HOOK3: variants seen among roughly 807,000 people sequenced by gnomAD.
HOOK3 encodes the protein hook microtubule tethering protein 3.
HOOK3 carries 24 observed loss-of-function variants against 116.3 expected under a neutral mutation model. That is an observed-to-expected ratio of 0.21 (90% CI 0.15 to 0.29). HOOK3 has a LOEUF of 0.29. Among genes scored for constraint, HOOK3 ranks in the 10% least tolerant of loss-of-function variants. HOOK3 has a pLI of 1.00. For missense variants in HOOK3, 632 were observed against 830.2 expected, an observed-to-expected ratio of 0.76 and a Z score of 2.93; for synonymous variants, 275 against 283.0, an observed-to-expected ratio of 0.97 and a Z score of 0.28.
chr8:42,959,140 G>C, intron 7 of HOOK3, 91 bp from the exon 8 acceptor site: 1 of 766,298 alleles, frequency 1.3e-6, no homozygotes, highest in African/African-American at 1.8e-5. Flanking sequence ...AGGAAAGACA[G>C]GGGGGAGATG....
intron 2 of HOOK3, among the ~76,000 whole-genome samples, chr8:42,920,179 G>T (rs1177894384): frequency 6.6e-6 from 1 of 152,180 alleles, no homozygotes; most frequent in Non-Finnish European, 1.5e-5. Flanking sequence ...TACTCATGAA[G>T]AGCTTCTCCA....
At chr8:42,947,688 A>G (rs996168718) in intron 5 of HOOK3, among the ~76,000 whole-genome samples, 5 of 152,240 alleles carry the variant, frequency 3.3e-5, no homozygotes, top group Non-Finnish European at 7.3e-5. Flanking sequence ...GTGGTTAAAT[A>G]TTAGCTGTCA....
rs1304786018 is a variant in HOOK3 at position 43,026,277 on chromosome 8, A to G, written c.*7779A>G. The stretch of plus-strand genomic sequence containing the variant: ...TAGTGTCTTAATATATAGTCTTTAT[A>G]TAGTATCTTAATATTATTTACTGTT... On this transcript the variant is annotated 3_prime_UTR_variant, in exon 22 of 22. Coordinates refer to ENST00000307602, the MANE Select transcript of HOOK3 (RefSeq NM_032410.4). 1.0e-5 allele frequency: 2 copies of G among 194,714 alleles called. No individual in the cohort carries two copies. Among genetic ancestry groups the G allele is most frequent in the Non-Finnish European group, 2.1e-5 (2 of 93,740 alleles). The allele number at this position is 194,714 out of a possible 1,614,324, so 12.1% of individuals were successfully genotyped here. A position where few individuals can be genotyped will look rare whatever the true frequency, so the allele number is the denominator to read the frequency against.
chr8:42,950,137 A>G (rs1042241413), intron 5 of HOOK3, among the ~76,000 whole-genome samples: 2 of 152,200 alleles, frequency 1.3e-5, no homozygotes, highest in Admixed American at 1.3e-4. Context: ...TCATGCCAAT[A>G]TTCCATTCTC....
At chr8:42,982,254 T>TAAAAAAAAAAA (rs1162075588) in intron 13 of HOOK3, among the ~76,000 whole-genome samples, 1 of 89,594 alleles carries the variant, frequency 1.1e-5, no homozygotes, top group African/African-American at 4.5e-5. Flanking sequence ...GACTCTGTCT[T>TAAAAAAAAAAA]AAAAAAAAAA....
At chr8:42,918,303 A>T (rs1807570455) in intron 2 of HOOK3, among the ~76,000 whole-genome samples, 1 of 152,126 alleles carries the variant, frequency 6.6e-6, no homozygotes, top group Non-Finnish European at 1.5e-5. Flanking sequence ...GCACCATTGC[A>T]CTCCAGCCTG....
intron 6 of HOOK3, among the ~76,000 whole-genome samples, chr8:42,955,810 G>C (rs1586608546): frequency 6.6e-6 from 1 of 152,202 alleles, no homozygotes; most frequent in East Asian, 1.9e-4. Context: ...AGGATACCTA[G>C]ATTTTTATTG....
intron 2 of HOOK3, among the ~76,000 whole-genome samples, chr8:42,919,083 G>A (rs1458056490): frequency 2.6e-5 from 4 of 151,396 alleles, no homozygotes; most frequent in Non-Finnish European, 4.4e-5. Context: ...CTGGCCGGGC[G>A]GGGGCTGCCC....
At chr8:42,897,978 C>T (rs1301786501) in intron 1 of HOOK3, among the ~76,000 whole-genome samples, 1 of 152,224 alleles carries the variant, frequency 6.6e-6, no homozygotes, top group Non-Finnish European at 1.5e-5. Flanking sequence ...GCGCTGCCTT[C>T]GGGAGCCTCC....
chr8:42,915,046 G>A (rs950207128), intron 2 of HOOK3, among the ~76,000 whole-genome samples: 5 of 152,136 alleles, frequency 3.3e-5, no homozygotes, highest in African/African-American at 1.2e-4. Context: ...TTAGATACTA[G>A]GGAAGTTTAA....
intron 5 of HOOK3, among the ~76,000 whole-genome samples, chr8:42,949,050 G>A (rs1403833783): frequency 6.6e-6 from 1 of 152,030 alleles, no homozygotes; most frequent in African/African-American, 2.4e-5. Flanking sequence ...TCCTGTGTTG[G>A]GTAGAGGATT....
chr8:42,906,916 G>C (rs1807322328), intron 2 of HOOK3, among the ~76,000 whole-genome samples: 1 of 152,206 alleles, frequency 6.6e-6, no homozygotes, highest in South Asian at 2.1e-4. Flanking sequence ...GTTCCTCCTA[G>C]TTTAATATGC....
chr8:42,962,261 C>CT (rs559919675), intron 8 of HOOK3, among the ~76,000 whole-genome samples: 2,143 of 117,756 alleles, frequency 0.018, 48 homozygotes, highest in African/African-American at 0.049. Flanking sequence ...ATTTTCATTT[C>CT]TTTTTTTTTT....
At chr8:42,901,846 T>C (rs1807196174) in intron 1 of HOOK3, among the ~76,000 whole-genome samples, 1 of 151,994 alleles carries the variant, frequency 6.6e-6, no homozygotes, top group South Asian at 2.1e-4. Flanking sequence ...GTAGCTGGGA[T>C]TACAGGCACG....
At chr8:42,943,525 C>G (rs571015951) in intron 5 of HOOK3, 80 bp downstream of exon 5, 18 of 934,550 alleles carry the variant, frequency 1.9e-5, no homozygotes, top group Admixed American at 6.7e-5. Context: ...ATATAAATCA[C>G]CAGTACCAAC....
At position 43,029,686 on chromosome 8, in the gene HOOK3, A is replaced by G. The variant is rs1236614705; in HGVS notation, c.*11188A>G. 5.2e-6 allele frequency: 1 copy of G among 194,006 alleles called. No homozygotes were observed. Among genetic ancestry groups the G allele is most frequent in the African/African-American group, 2.3e-5 (1 of 43,192 alleles). 12.0% of individuals were successfully genotyped at this position (194,006 alleles called of 1,614,324 possible). On this transcript the variant is annotated 3_prime_UTR_variant, in exon 22 of 22. Coordinates refer to ENST00000307602, the MANE Select transcript of HOOK3 (RefSeq NM_032410.4). ...GTAAAATTCAAACATATCTAATAAT[A>G]ATTTGCCTTAGTTTGATTAATAAAT...
intron 2 of HOOK3, 85 bp downstream of exon 2, chr8:42,906,343 A>G: frequency 1.1e-6 from 1 of 946,050 alleles, no homozygotes; most frequent in Middle Eastern, 2.2e-4. Flanking sequence ...AAGTACTTAC[A>G]TGAAACGTGT....
At chr8:42,919,446 C>T (rs1259006647) in intron 2 of HOOK3, among the ~76,000 whole-genome samples, 2 of 148,684 alleles carry the variant, frequency 1.3e-5, no homozygotes, top group East Asian at 2.0e-4. Context: ...AGAGACGCTC[C>T]TCACTTCCCA....
chr8:42,991,885 AGCAT>A (rs1483612334), intron 15 of HOOK3, among the ~76,000 whole-genome samples: 1 of 152,178 alleles, frequency 6.6e-6, no homozygotes, highest in East Asian at 1.9e-4. Flanking sequence ...CACCGCACCC[AGCAT>A]GGACATTTTA....
Sources: gnomAD v4.1 joint callset for allele counts (sites outside exome capture counted in the v4.1 genomes callset) on GRCh38, gnomAD v4.1.1 for gene constraint, MANE v1.5 for transcripts, NCBI Gene and HGNC (gene_info 2026-07-23, HGNC 2026-07-21) for gene names.